The following EEF1AKMT2 variants were observed in gnomAD, a reference collection of about 807,000 sequenced individuals.
EEF1AKMT2 encodes EEF1A lysine methyltransferase 2, also known as eukaryotic translation elongation factor 1 alpha lysine methyltransferase 2.
Under a neutral mutation model 35.8 loss-of-function variants are expected in EEF1AKMT2, and 32 were observed. The ratio of observed to expected loss-of-function variants is 0.89; its 90% CI spans 0.67 to 1.20. The LOEUF (loss-of-function observed/expected upper bound fraction) is 1.20. Among genes scored for constraint, EEF1AKMT2 ranks in the 50% most tolerant of loss-of-function variants. The probability of loss-of-function intolerance (pLI) is 0.00; values close to 1 mark genes in which losing one functional copy is unlikely to be tolerated. For missense variants in EEF1AKMT2, 330 were observed against 347.5 expected, an observed-to-expected ratio of 0.95 and a Z score of 0.40; for synonymous variants, 121 against 133.7, an observed-to-expected ratio of 0.91 and a Z score of 0.65.
intron 4 of EEF1AKMT2, among the ~76,000 whole-genome samples, chr10:124,774,222 C>CCAGGCTAATTTTG (rs1204423488): frequency 6.6e-6 from 1 of 151,534 alleles, no homozygotes; most frequent in East Asian, 1.9e-4. Context: ...AAAAAATTAG[C>CCAGGCTAATTTTG]TGGGCGTGGC....
chr10:124,762,294 A>C lies in EEF1AKMT2; in HGVS notation c.875+6T>G. The C allele has an allele frequency of 9.4e-7, 1 of 1,066,142 alleles. No individual in the cohort carries two copies. The highest frequency in any genetic ancestry group is 1.2e-6 in the Non-Finnish European group (1 of 860,942). 66.0% of individuals were successfully genotyped at this position (1,066,142 alleles called of 1,614,324 possible). A position where few individuals can be genotyped will look rare whatever the true frequency, so the allele number is the denominator to read the frequency against. On this transcript the variant is annotated splice_donor_region_variant and intron_variant, in intron 6 of 6. Coordinates refer to ENST00000368836, the MANE Select transcript of EEF1AKMT2 (RefSeq NM_212554.4). ...AAAAAATAAATAAAGCTGGAAGGTC[A>C]CTTACTAAAATGCCAACGAGGGCCT...
intron 5 of EEF1AKMT2, among the ~76,000 whole-genome samples, chr10:124,763,426 G>A (rs1950349673): frequency 6.6e-6 from 1 of 152,210 alleles, no homozygotes; most frequent in Non-Finnish European, 1.5e-5. Flanking sequence ...AAGAGAATGT[G>A]GCAGCCAGTA....
At chr10:124,778,928 A>C (rs1950511970) in intron 3 of EEF1AKMT2, among the ~76,000 whole-genome samples, 1 of 152,160 alleles carries the variant, frequency 6.6e-6, no homozygotes, top group African/African-American at 2.4e-5. Context: ...AAATGTAGGA[A>C]AAGTAACCAT....
In EEF1AKMT2 at chr10:124,765,574, G is replaced by A; in HGVS notation, c.434C>T (p.Ser145Phe). ...EDFLNLSTQL[S>F]GFHICIDKGT... is the part of the protein sequence containing the mutation. ...TTTGTCAATACAAATATGAAATCCA[G>A]ACAGCTGTGTGGAGAGATTCAAAAA... The change falls in exon 5 of 7, where the codon TCT (serine) becomes TTT (phenylalanine). Residue 145 changes from serine to phenylalanine, a missense_variant. By Grantham distance (155) the Ser-to-Phe change is radical. Transcript: ENST00000368836. 2 of 1,613,744 alleles carry A rather than the reference G, an allele frequency of 1.2e-6. No individual in the cohort carries two copies. The highest frequency in any genetic ancestry group is 2.7e-5 in the African/African-American group (2 of 75,012).
chr10:124,779,949 G>T (rs796455871), intron 3 of EEF1AKMT2, among the ~76,000 whole-genome samples: 1 of 151,768 alleles, frequency 6.6e-6, no homozygotes, highest in Non-Finnish European at 1.5e-5. Flanking sequence ...TGTAGTCCCA[G>T]CTACTCGGGA....
chr10:124,781,362 C>A (rs1314380921), intron 3 of EEF1AKMT2, among the ~76,000 whole-genome samples: 1 of 151,440 alleles, frequency 6.6e-6, no homozygotes, highest in Admixed American at 6.6e-5. Context: ...GCAGATCATC[C>A]GAGGTCAGAA....
intron 3 of EEF1AKMT2, among the ~76,000 whole-genome samples, chr10:124,783,573 C>T (rs1180465319): frequency 6.6e-6 from 1 of 152,172 alleles, no homozygotes; most frequent in Admixed American, 6.5e-5. Flanking sequence ...TGGCGTATGA[C>T]CCAGCAATTT....
At chr10:124,770,401 G>GAGCA (rs1395755088) in intron 4 of EEF1AKMT2, among the ~76,000 whole-genome samples, 3 of 152,158 alleles carry the variant, frequency 2.0e-5, no homozygotes, top group African/African-American at 7.2e-5. Context: ...CTGGGTGACA[G>GAGCA]AGCAAGACTC....
intron 3 of EEF1AKMT2, among the ~76,000 whole-genome samples, chr10:124,781,761 A>G (rs1400726872): frequency 6.6e-6 from 1 of 151,944 alleles, no homozygotes; most frequent in African/African-American, 2.4e-5. Flanking sequence ...AGAAAAAAAA[A>G]AAGCTCAGGA....
chr10:124,763,840 G>C (rs1020079491), intron 5 of EEF1AKMT2, among the ~76,000 whole-genome samples: 1 of 152,052 alleles, frequency 6.6e-6, no homozygotes, highest in African/African-American at 2.4e-5. Flanking sequence ...AGTTCAGGAA[G>C]AGGAAAGACT....
At chr10:124,778,722 CAAAAAAAA>C (rs11405149) in intron 3 of EEF1AKMT2, among the ~76,000 whole-genome samples, 2 of 119,484 alleles carry the variant, frequency 1.7e-5, no homozygotes, top group East Asian at 4.6e-4. Context: ...GACTCCGTAC[CAAAAAAAA>C]AAAAAAAGAA....
At chr10:124,778,699 G>T (rs572179780) in intron 3 of EEF1AKMT2, among the ~76,000 whole-genome samples, 14 of 150,758 alleles carry the variant, frequency 9.3e-5, no homozygotes, top group African/African-American at 3.4e-4. Flanking sequence ...CTCCAGCCTG[G>T]GTGACGGCGT....
chr10:124,776,657 T>C (rs1399532089), intron 3 of EEF1AKMT2, among the ~76,000 whole-genome samples: 1 of 151,220 alleles, frequency 6.6e-6, no homozygotes, highest in East Asian at 2.0e-4. Context: ...GCTAATTTTG[T>C]GGTGGTGAGT....
intron 3 of EEF1AKMT2, among the ~76,000 whole-genome samples, chr10:124,782,624 C>A (rs1448785096): frequency 3.2e-5 from 4 of 126,076 alleles, no homozygotes; most frequent in Non-Finnish European, 4.9e-5. Context: ...CCAGCCTGGA[C>A]AACAGGGCGA....
At chr10:124,769,218 C>CAAAAAAAA (rs1554917142) in intron 4 of EEF1AKMT2, among the ~76,000 whole-genome samples, 3 of 31,292 alleles carry the variant, frequency 9.6e-5, no homozygotes, top group African/African-American at 1.2e-4. Context: ...ACACTGTCTC[C>CAAAAAAAA]AAAAAAAAAA....
chr10:124,758,552 C>T lies in EEF1AKMT2; in HGVS notation c.*1951G>A, dbSNP rs938701388. On this transcript the variant is annotated 3_prime_UTR_variant, in exon 7 of 7. Transcript: ENST00000368836. ...CCTTCACCTTTGCAAATGGCACTAACATGCCCCAAATAGTGACTCGAAAAG... is the reference window on the plus strand; with the variant it reads ...CCTTCACCTTTGCAAATGGCACTAATATGCCCCAAATAGTGACTCGAAAAG... 1 of 149,132 alleles carries T rather than the reference C, an allele frequency of 6.7e-6. No individual in the cohort carries two copies. The highest frequency in any genetic ancestry group is 2.5e-5 in the African/African-American group (1 of 40,466). 9.2% of individuals were successfully genotyped at this position (149,132 alleles called of 1,614,324 possible). A position where few individuals can be genotyped will look rare whatever the true frequency, so the allele number is the denominator to read the frequency against.
At chr10:124,791,297 C>A (rs1950632197) in intron 1 of EEF1AKMT2, among the ~76,000 whole-genome samples, 1 of 152,078 alleles carries the variant, frequency 6.6e-6, no homozygotes, top group Admixed American at 6.6e-5. Context: ...CTATTCCCAC[C>A]CCACTTCCAG....
At chr10:124,787,391 A>G (rs1339514628) in intron 3 of EEF1AKMT2, among the ~76,000 whole-genome samples, 1 of 139,628 alleles carries the variant, frequency 7.2e-6, no homozygotes, top group Non-Finnish European at 1.5e-5. Context: ...CAAGATCGTG[A>G]GACTGCACTC....
chr10:124,786,612 G>A (rs562848980), intron 3 of EEF1AKMT2, among the ~76,000 whole-genome samples: 2 of 151,758 alleles, frequency 1.3e-5, no homozygotes, highest in Admixed American at 6.6e-5. Context: ...TCAGGAGTTT[G>A]AGAACAGCTG....
Sources: allele counts gnomAD v4.1 joint callset (sites outside exome capture counted in the v4.1 genomes callset), GRCh38; gene constraint gnomAD v4.1.1; transcripts MANE v1.5; gene names NCBI Gene and HGNC (gene_info 2026-07-23, HGNC 2026-07-21).